Variants in SDK1 observed in about 807,000 individuals in gnomAD.
SDK1 encodes the protein sidekick cell adhesion molecule 1.
A neutral mutation model predicts 245.5 loss-of-function variants in SDK1; 157 were observed. That is an observed-to-expected ratio of 0.64 (90% CI 0.56 to 0.73). SDK1 has a LOEUF of 0.73. SDK1 is among the 30% of genes least tolerant of loss of function. The pLI is 0.00. For missense variants in SDK1, 3,583 were observed against 3,002.3 expected, an observed-to-expected ratio of 1.19 and a Z score of -4.52; for synonymous variants, 1,647 against 1,278.5, an observed-to-expected ratio of 1.29 and a Z score of -6.15.
intron 22 of SDK1, among the ~76,000 whole-genome samples, chr7:4,096,537 A>C (rs1782160065): frequency 6.6e-6 from 1 of 152,202 alleles, no homozygotes; most frequent in African/African-American, 2.4e-5. Flanking sequence ...CATAAAATTC[A>C]GAGACCAGAA....
chr7:3,819,827 A>G (rs1779598352), intron 4 of SDK1, among the ~76,000 whole-genome samples: 1 of 152,140 alleles, frequency 6.6e-6, no homozygotes, highest in Non-Finnish European at 1.5e-5. Flanking sequence ...AAAAATCAAG[A>G]GTTTTTGAAA....
chr7:3,836,702 A>G (rs1018312028), intron 5 of SDK1, among the ~76,000 whole-genome samples: 7 of 152,224 alleles, frequency 4.6e-5, no homozygotes, highest in African/African-American at 1.7e-4. Flanking sequence ...TGCCCCTCAC[A>G]TTGCTTTCAA....
chr7:3,536,166 C>T (rs1330162797), intron 1 of SDK1, among the ~76,000 whole-genome samples: 1 of 151,800 alleles, frequency 6.6e-6, no homozygotes, highest in Non-Finnish European at 1.5e-5. Context: ...ACACCATTCT[C>T]CAGCCTGAGC....
chr7:3,303,803 T>C (rs767276512), intron 1 of SDK1, among the ~76,000 whole-genome samples: 1 of 152,240 alleles, frequency 6.6e-6, no homozygotes, highest in Non-Finnish European at 1.5e-5. Context: ...TGTCACCATT[T>C]GACAAAAGCT....
At chr7:3,725,452 G>A (rs1052306462) in intron 4 of SDK1, among the ~76,000 whole-genome samples, 1 of 151,716 alleles carries the variant, frequency 6.6e-6, no homozygotes, top group African/African-American at 2.4e-5. Context: ...TAAATTTCAT[G>A]TTTTTCAAAA....
intron 8 of SDK1, among the ~76,000 whole-genome samples, chr7:3,961,536 T>C (rs1383264444): frequency 6.6e-6 from 1 of 152,248 alleles, no homozygotes; most frequent in Non-Finnish European, 1.5e-5. Context: ...CAGAACCATC[T>C]GAGATCTAGA....
chr7:3,601,575 G>A (rs1034460090), intron 1 of SDK1, among the ~76,000 whole-genome samples: 2 of 151,708 alleles, frequency 1.3e-5, no homozygotes, highest in African/African-American at 4.8e-5. Context: ...TGGTGTTGAT[G>A]ATTTGTGTCT....
rs150112469 is a variant in SDK1, at chr7:3,302,913, C to T, written c.298+1029C>T. Among the ~76,000 whole-genome samples, 154 of 152,180 alleles carry T rather than the reference C, an allele frequency of 1.0e-3. No homozygotes were observed. The Middle Eastern group carries it at 0.01, about 10-fold the overall frequency. ...AACTTAAATTAGCTGTGTTCTGTGT[C>T]CTGTGAAGATGATTTATGTGTAGTA... is the stretch of plus-strand genomic sequence containing the variant. On this transcript the variant is annotated intron_variant, in intron 1 of 44. Transcript: ENST00000404826.
At chr7:3,484,135 C>G (rs1307421987) in intron 1 of SDK1, among the ~76,000 whole-genome samples, 2 of 152,118 alleles carry the variant, frequency 1.3e-5, no homozygotes, top group African/African-American at 2.4e-5. Flanking sequence ...ATTCCAGGGT[C>G]CCCTGTATAA....
chr7:4,084,335 C>T (rs1781286205), intron 22 of SDK1, among the ~76,000 whole-genome samples: 1 of 152,154 alleles, frequency 6.6e-6, no homozygotes, highest in African/African-American at 2.4e-5. Flanking sequence ...CAGTGGGTTT[C>T]AGTCACCTGC....
At chr7:3,632,192 A>T (rs1782315706) in intron 2 of SDK1, among the ~76,000 whole-genome samples, 1 of 152,202 alleles carries the variant, frequency 6.6e-6, no homozygotes, top group Admixed American at 6.5e-5. Flanking sequence ...CTCACAGTAG[A>T]TTTGACAGAC....
intron 1 of SDK1, among the ~76,000 whole-genome samples, chr7:3,382,816 AT>A (rs1781519961): frequency 6.6e-6 from 1 of 152,190 alleles, no homozygotes; most frequent in African/African-American, 2.4e-5. Context: ...CATCTGATTC[AT>A]TGAGTGGTAG....
chr7:3,611,834 T>C (rs1349695490), intron 1 of SDK1, among the ~76,000 whole-genome samples: 1 of 151,954 alleles, frequency 6.6e-6, no homozygotes, highest in Admixed American at 6.6e-5. Flanking sequence ...TAATAGATGA[T>C]TGTGGTGATG....
chr7:3,580,986 A>AC lies in SDK1; in HGVS notation c.299-38094_299-38093insC, dbSNP rs1303379070. 2.1e-4 allele frequency among the ~76,000 whole-genome samples: 30 copies of AC among 139,822 alleles called. 1 individual carries two copies. Among genetic ancestry groups the AC allele is most frequent in the Admixed American group, 5.9e-4 (8 of 13,538 alleles). The allele number at this position is 139,822 out of a possible 152,430, so 91.7% of individuals were successfully genotyped here. A position where few individuals can be genotyped will look rare whatever the true frequency, so the allele number is the denominator to read the frequency against. On this transcript the variant is annotated intron_variant, in intron 1 of 44. Transcript: ENST00000404826. ...TCCATCTCAAAAAAAAAAAAAAAAA[A>AC]AAAAAAAACCAAAACAAAACCCTGG... is the stretch of plus-strand genomic sequence containing the variant.
chr7:3,526,281 T>C (rs1237083039), intron 1 of SDK1, among the ~76,000 whole-genome samples: 1 of 152,202 alleles, frequency 6.6e-6, no homozygotes, highest in Admixed American at 6.5e-5. Context: ...GGATATCTTT[T>C]TACTGTCCAG....
chr7:3,435,573 C>T (rs1364529516), intron 1 of SDK1, among the ~76,000 whole-genome samples: 5 of 151,556 alleles, frequency 3.3e-5, no homozygotes, highest in African/African-American at 9.7e-5. Flanking sequence ...CCGTGTTGTC[C>T]AGGCTGGTTT....
chr7:3,904,461 A>G (rs140389395), intron 5 of SDK1, among the ~76,000 whole-genome samples: 2 of 152,130 alleles, frequency 1.3e-5, no homozygotes, highest in Admixed American at 6.5e-5. Flanking sequence ...TGGGAGGCTG[A>G]GGTGGGAGGA....
chr7:3,579,038 G>GC (rs1331420112), intron 1 of SDK1, among the ~76,000 whole-genome samples: 1 of 151,912 alleles, frequency 6.6e-6, no homozygotes, highest in African/African-American at 2.4e-5. Context: ...ATGTTCCTCT[G>GC]CCGCGGCTCC....
intron 1 of SDK1, among the ~76,000 whole-genome samples, chr7:3,339,559 C>G (rs1419350912): frequency 6.6e-6 from 1 of 151,944 alleles, no homozygotes; most frequent in Non-Finnish European, 1.5e-5. Context: ...GGATTGAAAT[C>G]CTACAGAATT....
Sources: allele counts gnomAD v4.1 joint callset (sites outside exome capture counted in the v4.1 genomes callset), GRCh38; gene constraint gnomAD v4.1.1; transcripts MANE v1.5; gene names NCBI Gene and HGNC (gene_info 2026-07-23, HGNC 2026-07-21).